The following CPSF4L variants were observed in gnomAD, a reference collection of about 807,000 sequenced individuals.
CPSF4L encodes the protein cleavage and polyadenylation specific factor 4 like, also known as putative cleavage and polyadenylation specificity factor subunit 4-like protein.
CPSF4L carries 18 observed loss-of-function variants against 24.0 expected under a neutral mutation model. That is an observed-to-expected ratio of 0.75 (90% confidence interval 0.52 to 1.11). The LOEUF (loss-of-function observed/expected upper bound fraction) is 1.11, where lower values mean the gene tolerates loss of function less well. CPSF4L is among the 50% of genes least tolerant of loss of function. The probability of loss-of-function intolerance (pLI) is 0.00; values close to 1 mark genes in which losing one functional copy is unlikely to be tolerated. For missense variants in CPSF4L, 211 were observed against 221.8 expected (o/e 0.95, Z 0.31); for synonymous variants, 72 against 77.2 (o/e 0.93, Z 0.35).
At chr17:73,247,110 A>G (rs1199829836), downstream of CPSF4L, 3 of 773,710 alleles carry the variant, frequency 3.9e-6, no homozygotes, top group East Asian at 8.1e-5. Flanking sequence ...CAAAATGTAC[A>G]AAAACAAGCC....
At chr17:73,243,541 A>G (rs996442666), downstream of CPSF4L, among the ~76,000 whole-genome samples, 3 of 134,596 alleles carry the variant, frequency 2.2e-5, no homozygotes, top group African/African-American at 5.5e-5. Flanking sequence ...CCTCCATTTC[A>G]TGTTGTCTTT....
intron 3 of CPSF4L, among the ~76,000 whole-genome samples, chr17:73,255,966 A>G (rs1262392623): frequency 3.3e-5 from 5 of 151,602 alleles, no homozygotes; most frequent in African/African-American, 1.2e-4. Context: ...CCACTCCTAC[A>G]CCTCCCCAAC....
chr17:73,247,495 C>A, downstream of CPSF4L: 1 of 667,386 alleles, frequency 1.5e-6, no homozygotes, highest in Non-Finnish European at 2.6e-6. Context: ...ATTTGTATCA[C>A]TGCTATAAAT....
At chr17:73,255,333 C>A (rs2062020745) in intron 3 of CPSF4L, among the ~76,000 whole-genome samples, 1 of 151,706 alleles carries the variant, frequency 6.6e-6, no homozygotes, top group Non-Finnish European at 1.5e-5. Context: ...ATGGTGAAAC[C>A]CCATCTCTAC....
At chr17:73,256,458 C>G (rs2062024901) in intron 3 of CPSF4L, among the ~76,000 whole-genome samples, 1 of 152,194 alleles carries the variant, frequency 6.6e-6, no homozygotes, top group African/African-American at 2.4e-5. Flanking sequence ...GCTTGGGGGG[C>G]CCTGAAGCTG....
intron 5 of CPSF4L, among the ~76,000 whole-genome samples, chr17:73,249,605 G>T (rs2061994731): frequency 6.6e-6 from 1 of 152,068 alleles, no homozygotes. Context: ...ACATCCCATT[G>T]CTCTTCTCCA....
rs373047380 is a variant in CPSF4L, at chr17:73,261,794, C to T, written c.25G>A (p.Glu9Lys). 7 of 1,551,686 alleles carry T rather than the reference C, an allele frequency of 4.5e-6. No homozygotes were observed. Among genetic ancestry groups the T allele is most frequent in the Non-Finnish European group, 6.1e-6 (7 of 1,146,986 alleles). MQEVIAGL[E>K]RFTFAFEKDV... ...TTCTCGAAGGCAAAGGTGAACCGCTCTAGCCCCGCAATGACCTCTTGCATC... is the reference window on the plus strand; with the variant it reads ...TTCTCGAAGGCAAAGGTGAACCGCTTTAGCCCCGCAATGACCTCTTGCATC... The change falls in exon 1 of 6, where the codon GAG (glutamate) becomes AAG (lysine). Residue 9 changes from glutamate (E) to lysine (K), a missense_variant. Transcript: ENST00000344935.
chr17:73,258,155 G>A (rs554317811), intron 2 of CPSF4L, among the ~76,000 whole-genome samples: 5 of 151,998 alleles, frequency 3.3e-5, no homozygotes, highest in Admixed American at 6.6e-5. Flanking sequence ...GACTACAGGC[G>A]CCAGCCACCA....
At chr17:73,257,413 A>G (rs1320364002) in intron 3 of CPSF4L, among the ~76,000 whole-genome samples, 1 of 151,066 alleles carries the variant, frequency 6.6e-6, no homozygotes, top group Non-Finnish European at 1.5e-5. Flanking sequence ...ATGAACCAAG[A>G]ATGGGGAGAG....
chr17:73,250,963 C>A, intron 5 of CPSF4L: 4 of 1,518,868 alleles, frequency 2.6e-6, no homozygotes, highest in Non-Finnish European at 3.5e-6. Context: ...CTGTGGGTTC[C>A]TTTGTCCACC....
At chr17:73,252,873 T>C in intron 4 of CPSF4L, 150 bp from the exon 5 acceptor site, 1 of 586,412 alleles carries the variant, frequency 1.7e-6, no homozygotes, top group Non-Finnish European at 3.0e-6. Context: ...TGTACCACCC[T>C]AAAGCATCCA....
At chr17:73,244,833 TCGC>T (rs2061921836), downstream of CPSF4L, 1 of 203,902 alleles carries the variant, frequency 4.9e-6, no homozygotes, top group Non-Finnish European at 9.9e-6. Context: ...TGGGATGGCC[TCGC>T]CGCCATCTCT....
At chr17:73,251,040 G>A (rs2145274432) in intron 5 of CPSF4L, 1 of 1,550,008 alleles carries the variant, frequency 6.5e-7, no homozygotes, top group South Asian at 1.2e-5. Flanking sequence ...TGTTGGGGAT[G>A]GGGGTTTCCA....
At chr17:73,252,531 A>G in intron 5 of CPSF4L, 99 bp downstream of exon 5, 1 of 777,028 alleles carries the variant, frequency 1.3e-6, no homozygotes, top group Admixed American at 2.2e-5. Context: ...CAGATGCTTC[A>G]TTTTCCACTA....
downstream of CPSF4L, chr17:73,245,839 C>T (rs1359457379): frequency 9.3e-6 from 5 of 535,652 alleles, no homozygotes; most frequent in Non-Finnish European, 9.5e-6. Context: ...AATAATGAAC[C>T]GGTGGCTAAT....
chr17:73,259,371 GT>G (rs2062036429), intron 2 of CPSF4L, among the ~76,000 whole-genome samples: 1 of 150,376 alleles, frequency 6.6e-6, no homozygotes, highest in Non-Finnish European at 1.5e-5. Context: ...AAAAAATTAT[GT>G]TTTGTAGAGA....
At chr17:73,255,885 C>T (rs943888353) in intron 3 of CPSF4L, among the ~76,000 whole-genome samples, 3 of 152,198 alleles carry the variant, frequency 2.0e-5, no homozygotes, top group Non-Finnish European at 2.9e-5. Flanking sequence ...CCTCAGCCTT[C>T]AATCCGCCTT....
chr17:73,249,628 G>A (rs1188794572), intron 5 of CPSF4L, among the ~76,000 whole-genome samples: 5 of 152,058 alleles, frequency 3.3e-5, no homozygotes, highest in Non-Finnish European at 7.4e-5. Context: ...ATTCCAAAAG[G>A]CTCAGCACAG....
chr17:73,258,809 C>T (rs1006334120), intron 2 of CPSF4L, among the ~76,000 whole-genome samples: 16 of 152,194 alleles, frequency 1.1e-4, no homozygotes, highest in Non-Finnish European at 2.4e-4. Flanking sequence ...CACACCCAGC[C>T]CAGCCCCTGG....
Sources: allele counts gnomAD v4.1 joint callset (sites outside exome capture counted in the v4.1 genomes callset), GRCh38; gene constraint gnomAD v4.1.1; transcripts MANE v1.5; gene names NCBI Gene and HGNC (gene_info 2026-07-23, HGNC 2026-07-21).